Variants in GPR89B observed in about 807,000 individuals in gnomAD.
GPR89B encodes golgi pH regulator B.
Under a neutral mutation model 52.4 loss-of-function variants are expected in GPR89B, and 25 were observed. The ratio of observed to expected loss-of-function variants is 0.48; its 90% confidence interval spans 0.35 to 0.67. The LOEUF is 0.67. GPR89B is among the 30% of genes least tolerant of loss of function. GPR89B has a pLI of 0.01. For synonymous variants in GPR89B, 52 were observed against 151.2 expected, an observed-to-expected ratio of 0.34 and a Z score of 4.81; for missense variants, 146 against 450.2, an observed-to-expected ratio of 0.32 and a Z score of 6.11.
At chr1:147,958,114 A>C (rs1174775963) in intron 7 of GPR89B, among the ~76,000 whole-genome samples, 38 of 152,160 alleles carry the variant, frequency 2.5e-4, no homozygotes, top group Admixed American at 1.8e-3. Flanking sequence ...TCACTGACTA[A>C]TTATTTGTCT....
chr1:147,997,455 C>CT (rs1174415185), downstream of GPR89B, among the ~76,000 whole-genome samples: 4 of 152,084 alleles, frequency 2.6e-5, no homozygotes, highest in Non-Finnish European at 4.4e-5. Context: ...CCTTTGGACT[C>CT]TAAGATCTAC....
chr1:147,938,905 A>C (rs1654323803), intron 3 of GPR89B, 88 bp downstream of exon 3: 2 of 1,572,456 alleles, frequency 1.3e-6, no homozygotes, highest in Admixed American at 3.7e-5. Context: ...TAACTGAAAA[A>C]AAAAAAAACA....
At chr1:148,004,389 T>G in the GPR89B span, among the ~76,000 whole-genome samples, 1 of 150,238 alleles carries the variant, frequency 6.7e-6, no homozygotes, top group East Asian at 2.0e-4. Context: ...ATGGTCTCGA[T>G]CTCCTGACCT....
intron 10 of GPR89B, among the ~76,000 whole-genome samples, chr1:147,970,427 G>T (rs1436702629): frequency 6.6e-6 from 1 of 152,018 alleles, no homozygotes; most frequent in African/African-American, 2.4e-5. Context: ...AACCCGAGAG[G>T]CGGACGTTGC....
chr1:147,932,252 A>G (rs1289765670), intron 1 of GPR89B, among the ~76,000 whole-genome samples: 1 of 151,860 alleles, frequency 6.6e-6, no homozygotes, highest in Non-Finnish European at 1.5e-5. Context: ...TATCCTGGAC[A>G]TTTTCTCCTA....
chr1:147,979,212 C>T (rs1269813360), intron 10 of GPR89B, among the ~76,000 whole-genome samples: 4 of 152,000 alleles, frequency 2.6e-5, no homozygotes, highest in African/African-American at 7.3e-5. Flanking sequence ...ACCTGGTTAC[C>T]TCAGCCTGAA....
At chr1:147,984,880 A>G (rs1658550869) in intron 10 of GPR89B, among the ~76,000 whole-genome samples, 1 of 152,038 alleles carries the variant, frequency 6.6e-6, no homozygotes, top group African/African-American at 2.4e-5. Flanking sequence ...TATGATATGA[A>G]TCTTTTAAAT....
chr1:148,001,768 AC>A, the GPR89B span, among the ~76,000 whole-genome samples: 544 of 151,048 alleles, frequency 3.6e-3, 4 homozygotes, highest in African/African-American at 0.013. Context: ...TAATCCTGTT[AC>A]TAAAAGCATC....
chr1:148,017,352 C>T, the GPR89B span, among the ~76,000 whole-genome samples: 1 of 151,562 alleles, frequency 6.6e-6, no homozygotes, highest in African/African-American at 2.4e-5. Flanking sequence ...TATACACAAA[C>T]TTTTGTATTA....
intron 1 of GPR89B, among the ~76,000 whole-genome samples, chr1:147,932,551 C>A (rs1162664826): frequency 6.6e-6 from 1 of 152,112 alleles, no homozygotes; most frequent in African/African-American, 2.4e-5. Flanking sequence ...ATCTTTGTCA[C>A]TCTCCTCAAA....
At chr1:147,937,933 C>T (rs1654235024) in intron 2 of GPR89B, among the ~76,000 whole-genome samples, 1 of 152,090 alleles carries the variant, frequency 6.6e-6, no homozygotes, top group South Asian at 2.1e-4. Context: ...ATTTGGGGAA[C>T]TAATAAATGT....
Position 147,992,563 on chromosome 1 carries a change from T to A in GPR89B, c.1157T>A (p.Ile386Lys). Residue 386 changes from isoleucine (I) to lysine (K), a missense_variant, in exon 13 of 14, where the codon ATA becomes AAA. Coordinates refer to ENST00000314163, the MANE Select transcript of GPR89B (RefSeq NM_016334.5). ...GTCATTGTCCTGCTATTAGCACAGA[T>A]AATGGTAAGTTTAATTAGTTACCTT... Reference protein sequence around the residue: ...SNVIVLLLAQIMGMYFVSSVL... With the variant: ...SNVIVLLLAQKMGMYFVSSVL... The A allele has an allele frequency of 6.2e-7, 1 of 1,611,714 alleles. No individual in the cohort carries two copies. Among genetic ancestry groups the A allele is most frequent in the South Asian group, 1.1e-5 (1 of 90,980 alleles).
At chr1:148,007,674 CCA>C in the GPR89B span, among the ~76,000 whole-genome samples, 311 of 144,134 alleles carry the variant, frequency 2.2e-3, 1 homozygote, top group African/African-American at 7.4e-3. Context: ...CCACCCTACC[CCA>C]CACACATACC....
At chr1:147,935,938 T>C (rs1270560764) in intron 1 of GPR89B, among the ~76,000 whole-genome samples, 1 of 152,148 alleles carries the variant, frequency 6.6e-6, no homozygotes, top group Admixed American at 6.5e-5. Flanking sequence ...AGACGGGTTT[T>C]CACCATGTTG....
rs1659029892 is a variant in GPR89B, at chr1:147,991,057, A to T, written c.1096-1445A>T. On this transcript the variant is annotated intron_variant, in intron 12 of 13. Transcript: ENST00000314163. Reference sequence around the variant, plus strand: ...CTTGGGCAGTATGGCCATTTTCATGATATTGATTCTTCCTATCCATGAACA... The same window carrying T: ...CTTGGGCAGTATGGCCATTTTCATGTTATTGATTCTTCCTATCCATGAACA... Among the ~76,000 whole-genome samples the T allele has an allele frequency of 4.6e-5, 7 of 150,980 alleles. No homozygotes were observed. In the South Asian group the frequency reaches 1.5e-3, roughly 31 times the overall value.
chr1:147,988,296 C>T, intron 11 of GPR89B, 136 bp from the exon 12 acceptor site: 1 of 1,032,728 alleles, frequency 9.7e-7, no homozygotes. Flanking sequence ...GCTTTCCTCT[C>T]TCCCTTAAGA....
intron 7 of GPR89B, among the ~76,000 whole-genome samples, chr1:147,955,432 A>G (rs1656045854): frequency 6.6e-6 from 1 of 151,998 alleles, no homozygotes; most frequent in African/African-American, 2.4e-5. Flanking sequence ...AAGAAGTGGG[A>G]TTGCTGGATC....
intron 5 of GPR89B, among the ~76,000 whole-genome samples, chr1:147,952,628 A>G (rs1208714407): frequency 2.0e-5 from 3 of 152,140 alleles, no homozygotes. Flanking sequence ...AATTAAAACC[A>G]TTCTTTTTCT....
chr1:147,991,332 C>G (rs1659052739), intron 12 of GPR89B, among the ~76,000 whole-genome samples: 2 of 152,080 alleles, frequency 1.3e-5, no homozygotes, highest in Non-Finnish European at 2.9e-5. Flanking sequence ...TGCTTATCAG[C>G]TTAAGGAGAT....
Sources: allele counts gnomAD v4.1 joint callset (sites outside exome capture counted in the v4.1 genomes callset), GRCh38; gene constraint gnomAD v4.1.1; transcripts MANE v1.5; gene names NCBI Gene and HGNC (gene_info 2026-07-23, HGNC 2026-07-21).